Variants in AFF3 observed in about 807,000 individuals in gnomAD.
The protein encoded by AFF3 is AF4/FMR2 family member 3.
Under a neutral mutation model 129.7 loss-of-function variants are expected in AFF3, and 32 were observed. That is an observed-to-expected ratio of 0.25 (90% CI 0.19 to 0.33). The LOEUF is 0.33. Among genes scored for constraint, AFF3 ranks in the 10% least tolerant of loss-of-function variants. AFF3 has a pLI of 1.00. For missense variants in AFF3, 1,373 were observed against 1,592.0 expected (o/e 0.86, Z 2.34); for synonymous variants, 644 against 635.4 (o/e 1.01, Z -0.20).
At chr2:99,638,935 C>A (rs1683928893) in intron 13 of AFF3, among the ~76,000 whole-genome samples, 1 of 152,262 alleles carries the variant, frequency 6.6e-6, no homozygotes, top group Admixed American at 6.5e-5. Flanking sequence ...TCAAGTCACC[C>A]CATGTGTTTC....
At position 99,555,786 on chromosome 2, in the gene AFF3, T is replaced by C. The variant is rs1231669516; in HGVS notation, c.3286-1054A>G. 1.3e-5 allele frequency among the ~76,000 whole-genome samples: 2 copies of C among 152,176 alleles called. 1 individual carries two copies. The highest frequency in any genetic ancestry group is 2.9e-5 in the Non-Finnish European group (2 of 68,036). ...ATGGAGTGGTGACTGATTTTTCTGGTTTTAGTGCGGGTGTTATTAAAATGG... is the reference window on the plus strand; with the variant it reads ...ATGGAGTGGTGACTGATTTTTCTGGCTTTAGTGCGGGTGTTATTAAAATGG... On this transcript the variant is annotated intron_variant, in intron 22 of 24. Transcript: ENST00000672756.
chr2:99,982,721 T>C (rs1021524772), intron 7 of AFF3, among the ~76,000 whole-genome samples: 14 of 152,158 alleles, frequency 9.2e-5, no homozygotes, highest in Non-Finnish European at 1.5e-4. Context: ...GACTAGACAT[T>C]TGTAGAAAAC....
intron 5 of AFF3, 97 bp from the exon 6 acceptor site, chr2:100,007,557 T>C: frequency 8.9e-7 from 1 of 1,128,290 alleles, no homozygotes; most frequent in Admixed American, 2.1e-5. Flanking sequence ...GCCAGGGTTG[T>C]CACATGCAGA....
intron 11 of AFF3, among the ~76,000 whole-genome samples, chr2:99,693,324 T>C (rs1675865959): frequency 6.6e-6 from 1 of 152,226 alleles, no homozygotes; most frequent in African/African-American, 2.4e-5. Flanking sequence ...TTTTTTCTTG[T>C]GTACGTTTAA....
chr2:99,918,905 T>G (rs1414228368), intron 7 of AFF3, among the ~76,000 whole-genome samples: 2 of 152,152 alleles, frequency 1.3e-5, no homozygotes, highest in Non-Finnish European at 2.9e-5. Context: ...TTCAAAACCA[T>G]TTTTGCACAA....
intron 8 of AFF3, among the ~76,000 whole-genome samples, chr2:99,784,133 G>T (rs1395110546): frequency 6.6e-6 from 1 of 152,170 alleles, no homozygotes; most frequent in East Asian, 1.9e-4. Flanking sequence ...GATTAGCAGG[G>T]GGGTTAAGAC....
intron 7 of AFF3, among the ~76,000 whole-genome samples, chr2:99,848,630 T>C (rs1391270396): frequency 1.3e-5 from 2 of 152,240 alleles, no homozygotes; most frequent in Non-Finnish European, 2.9e-5. Flanking sequence ...TCCAAGATGA[T>C]GTTGGAACAA....
intron 7 of AFF3, among the ~76,000 whole-genome samples, chr2:99,917,605 A>C (rs1558973798): frequency 6.6e-6 from 1 of 152,224 alleles, no homozygotes; most frequent in Non-Finnish European, 1.5e-5. Context: ...ATCATATCAT[A>C]GAATGACAAT....
At chr2:99,777,817 C>T (rs1684031368) in intron 8 of AFF3, among the ~76,000 whole-genome samples, 1 of 151,786 alleles carries the variant, frequency 6.6e-6, no homozygotes, top group South Asian at 2.1e-4. Context: ...CTGCCTTCTA[C>T]CAGCTCCCGG....
At chr2:99,698,154 T>C (rs1396509759) in intron 11 of AFF3, among the ~76,000 whole-genome samples, 2 of 152,184 alleles carry the variant, frequency 1.3e-5, no homozygotes, top group African/African-American at 2.4e-5. Flanking sequence ...AAAACCCTAA[T>C]CTAATCTGTG....
At chr2:99,962,850 AAATAAT>A (rs70940192) in intron 7 of AFF3, among the ~76,000 whole-genome samples, 1,694 of 142,040 alleles carry the variant, frequency 0.012, 12 homozygotes, top group Middle Eastern at 0.022. Context: ...AAGAGTATTC[AAATAAT>A]AATAATAATA....
intron 7 of AFF3, among the ~76,000 whole-genome samples, chr2:100,000,130 A>G (rs979136317): frequency 5.3e-5 from 8 of 152,204 alleles, no homozygotes; most frequent in African/African-American, 1.9e-4. Flanking sequence ...CCAATTAAAC[A>G]CACTATTTAA....
intron 4 of AFF3, among the ~76,000 whole-genome samples, chr2:100,077,934 A>T (rs940321614): frequency 3.3e-5 from 5 of 152,168 alleles, no homozygotes; most frequent in African/African-American, 7.2e-5. Flanking sequence ...TAATGGGTGA[A>T]TTTTGCTGGC....
At chr2:99,924,796 T>C (rs1193951225) in intron 7 of AFF3, among the ~76,000 whole-genome samples, 1 of 152,190 alleles carries the variant, frequency 6.6e-6, no homozygotes, top group East Asian at 1.9e-4. Context: ...TTAGGAATTA[T>C]TAAAATGACA....
rs912450662 is a variant in AFF3 at position 99,901,089 on chromosome 2, C to T, written c.874-63565G>A. Among the ~76,000 whole-genome samples the T allele has an allele frequency of 2.0e-5, 3 of 152,238 alleles. No homozygotes were observed. In the South Asian group the frequency reaches 6.2e-4, roughly 31 times the overall value. ...GCCTGCATATGCATGTGTGTGCATG[C>T]ATGCAATCTGGCTATGAACGCATTG... On this transcript the variant is annotated intron_variant, in intron 7 of 24. Transcript: ENST00000672756.
rs182064869 is a variant in AFF3 at position 99,688,090 on chromosome 2, C to T, written c.1092-15501G>A. ...ATCTCCTGACCTCGTGATCCGCCCG[C>T]CTCGGCCTCCCAAAATGCTGGGATT... On this transcript the variant is annotated intron_variant, in intron 11 of 24. Transcript: ENST00000672756. Among the ~76,000 whole-genome samples, 920 of 152,310 alleles carry T rather than the reference C, an allele frequency of 6.0e-3. 9 individuals are homozygous for T. Among genetic ancestry groups the T allele is most frequent in the Middle Eastern group, 0.01 (3 of 294 alleles).
At chr2:99,575,414 ATTT>A (rs540441950) in intron 18 of AFF3, among the ~76,000 whole-genome samples, 2,311 of 127,450 alleles carry the variant, frequency 0.018, 73 homozygotes, top group African/African-American at 0.068. Flanking sequence ...TGCCTGGCTA[ATTT>A]TTTTTTTTTT....
chr2:100,014,483 C>G (rs892280185), intron 4 of AFF3, among the ~76,000 whole-genome samples: 1 of 152,102 alleles, frequency 6.6e-6, no homozygotes, highest in Admixed American at 6.5e-5. Context: ...TTGAGCCATC[C>G]TGCTGATGAG....
chr2:99,657,055 A>G lies in AFF3; in HGVS notation c.1144-7389T>C, dbSNP rs543661355. ...GGGCTGTACAGTCGCTCTAATGAGG[A>G]CTGCTCTGTGCAAATATGACTTGCT... On this transcript the variant is annotated intron_variant, in intron 12 of 24. Coordinates refer to ENST00000672756, the MANE Select transcript of AFF3 (RefSeq NM_001386135.1). Among the ~76,000 whole-genome samples, 3 of 152,284 alleles carry G rather than the reference A, an allele frequency of 2.0e-5. No homozygotes were observed. The East Asian group carries it at 5.8e-4, about 29-fold the overall frequency.
Sources: allele counts gnomAD v4.1 joint callset (sites outside exome capture counted in the v4.1 genomes callset), GRCh38; gene constraint gnomAD v4.1.1; transcripts MANE v1.5; gene names NCBI Gene and HGNC (gene_info 2026-07-23, HGNC 2026-07-21).